NELL1: variants seen among roughly 807,000 people sequenced by gnomAD.
NELL1 encodes protein kinase C-binding protein NELL1.
NELL1 carries 76 observed loss-of-function variants against 107.4 expected under a neutral mutation model. The observed-to-expected ratio is 0.71, with a 90% CI of 0.59 to 0.86. NELL1 has a LOEUF of 0.86. Ranked by LOEUF, NELL1 falls within the 40% of genes least tolerant of loss-of-function variation. The pLI is 0.00. For missense variants in NELL1, 1,024 were observed against 1,005.5 expected, an observed-to-expected ratio of 1.02 and a Z score of -0.25; for synonymous variants, 353 against 341.2, an observed-to-expected ratio of 1.03 and a Z score of -0.38.
chr11:21,281,560 AG>A (rs376145382), intron 14 of NELL1, among the ~76,000 whole-genome samples: 174 of 152,200 alleles, frequency 1.1e-3, no homozygotes, highest in African/African-American at 4.1e-3. Flanking sequence ...GAGTGAACTT[AG>A]GGGGTAGCCA....
At chr11:20,951,469 A>G (rs1329656316) in intron 11 of NELL1, among the ~76,000 whole-genome samples, 3 of 152,100 alleles carry the variant, frequency 2.0e-5, no homozygotes, top group African/African-American at 7.2e-5. Context: ...ACAGGTTCTG[A>G]CTGACTTATG....
intron 2 of NELL1, among the ~76,000 whole-genome samples, chr11:20,709,143 A>T (rs1384167972): frequency 6.6e-6 from 1 of 151,660 alleles, no homozygotes; most frequent in Non-Finnish European, 1.5e-5. Flanking sequence ...AGTTTTTCTG[A>T]TGTTATCTTC....
At chr11:20,969,595 TTC>T (rs1851453838) in intron 12 of NELL1, among the ~76,000 whole-genome samples, 1 of 151,864 alleles carries the variant, frequency 6.6e-6, no homozygotes, top group Non-Finnish European at 1.5e-5. Flanking sequence ...CCTCAAATAT[TTC>T]TGTTTTCTAA....
At chr11:20,734,440 T>A (rs972505887) in intron 2 of NELL1, among the ~76,000 whole-genome samples, 6 of 152,086 alleles carry the variant, frequency 3.9e-5, no homozygotes, top group African/African-American at 1.4e-4. Context: ...GGAATCCAGG[T>A]GAGATGATGG....
chr11:21,069,060 A>G (rs1389064082), intron 12 of NELL1, among the ~76,000 whole-genome samples: 1 of 152,180 alleles, frequency 6.6e-6, no homozygotes, highest in East Asian at 1.9e-4. Context: ...TTTCTTGTGG[A>G]AACACTCCAT....
chr11:21,285,799 A>G (rs1849103013), intron 14 of NELL1, among the ~76,000 whole-genome samples: 1 of 152,128 alleles, frequency 6.6e-6, no homozygotes, highest in Non-Finnish European at 1.5e-5. Flanking sequence ...AAACAAAACA[A>G]AAGAAAACAA....
chr11:21,378,059 T>C (rs75066882), intron 15 of NELL1, among the ~76,000 whole-genome samples: 2,092 of 152,066 alleles, frequency 0.014, 51 homozygotes, highest in East Asian at 0.098. Flanking sequence ...AATGTTTTCA[T>C]ACCTATCACC....
At chr11:21,299,952 C>A (rs2133970406) in intron 14 of NELL1, among the ~76,000 whole-genome samples, 1 of 152,092 alleles carries the variant, frequency 6.6e-6, no homozygotes, top group South Asian at 2.1e-4. Flanking sequence ...CTGCTATAGG[C>A]AAAGCAGCTT....
At position 20,940,669 on chromosome 11, in the gene NELL1, C is replaced by T. The variant is rs572178158; in HGVS notation, c.1071+2810C>T. On this transcript the variant is annotated intron_variant, in intron 10 of 19. Coordinates refer to ENST00000357134, the MANE Select transcript of NELL1 (RefSeq NM_006157.5). The stretch of plus-strand genomic sequence containing the variant: ...CCAGTATTTCTTATAAACTGGTCTC[C>T]GAAACGGGAACATCATTCTGCATTC... Among the ~76,000 whole-genome samples, 11 of 152,200 alleles carry T rather than the reference C, an allele frequency of 7.2e-5. No individual in the cohort carries two copies. In the South Asian group the frequency reaches 1.5e-3, roughly 20 times the overall value.
At chr11:21,344,014 G>C (rs1449325333) in intron 14 of NELL1, among the ~76,000 whole-genome samples, 1 of 151,994 alleles carries the variant, frequency 6.6e-6, no homozygotes, top group Non-Finnish European at 1.5e-5. Context: ...TTTTAATTTT[G>C]TACCAAGCAG....
chr11:21,199,191 T>C (rs1335373697), intron 13 of NELL1, among the ~76,000 whole-genome samples: 1 of 152,142 alleles, frequency 6.6e-6, no homozygotes, highest in African/African-American at 2.4e-5. Flanking sequence ...TTCCTCTTCA[T>C]TTATGGAAGG....
intron 14 of NELL1, among the ~76,000 whole-genome samples, chr11:21,259,383 A>C (rs1455878119): frequency 6.6e-6 from 1 of 151,942 alleles, no homozygotes; most frequent in Admixed American, 6.6e-5. Context: ...TTCAAAGGAC[A>C]AGTGGGACTT....
At chr11:21,033,134 G>T (rs1319596629) in intron 12 of NELL1, among the ~76,000 whole-genome samples, 1 of 151,992 alleles carries the variant, frequency 6.6e-6, no homozygotes, top group Non-Finnish European at 1.5e-5. Context: ...TGATTACCTG[G>T]ATGATCATCT....
intron 15 of NELL1, among the ~76,000 whole-genome samples, chr11:21,379,585 T>C (rs796946731): frequency 8.5e-5 from 13 of 152,206 alleles, no homozygotes; most frequent in African/African-American, 3.1e-4. Flanking sequence ...AAATAATACA[T>C]TTAAATTATG....
chr11:20,836,037 A>G (rs890502304), intron 3 of NELL1, among the ~76,000 whole-genome samples: 2 of 152,274 alleles, frequency 1.3e-5, no homozygotes, highest in Non-Finnish European at 2.9e-5. Context: ...CATTTGAGGA[A>G]GGATTTATAT....
intron 4 of NELL1, among the ~76,000 whole-genome samples, chr11:20,856,927 G>A (rs959542259): frequency 2.6e-5 from 4 of 152,188 alleles, no homozygotes; most frequent in African/African-American, 9.7e-5. Flanking sequence ...CTAAGTGTAA[G>A]GTACATGGAT....
At chr11:21,462,245 C>A (rs1425743333) in intron 15 of NELL1, among the ~76,000 whole-genome samples, 1 of 152,056 alleles carries the variant, frequency 6.6e-6, no homozygotes, top group Non-Finnish European at 1.5e-5. Context: ...ACTAGGAAGG[C>A]AGCAGACATT....
At chr11:20,897,974 A>G (rs529559405) in intron 5 of NELL1, among the ~76,000 whole-genome samples, 4 of 152,310 alleles carry the variant, frequency 2.6e-5, no homozygotes, top group African/African-American at 7.2e-5. Flanking sequence ...TGTTGGTGGG[A>G]CCGTAAACTA....
At chr11:20,710,799 T>C (rs1051993092) in intron 2 of NELL1, among the ~76,000 whole-genome samples, 2 of 152,086 alleles carry the variant, frequency 1.3e-5, no homozygotes, top group Non-Finnish European at 2.9e-5. Context: ...CTAGATTTTC[T>C]AGTTTGTGTG....
Sources: gnomAD v4.1 joint callset for allele counts (sites outside exome capture counted in the v4.1 genomes callset) on GRCh38, gnomAD v4.1.1 for gene constraint, MANE v1.5 for transcripts, NCBI Gene and HGNC (gene_info 2026-07-23, HGNC 2026-07-21) for gene names.